RABEP1: variants seen among roughly 807,000 people sequenced by gnomAD.
RABEP1 encodes the protein rab GTPase-binding effector protein 1.
A neutral mutation model predicts 123.4 loss-of-function variants in RABEP1; 51 were observed. That is an observed-to-expected ratio of 0.41 (90% CI 0.33 to 0.52). The LOEUF (loss-of-function observed/expected upper bound fraction) is 0.52, where lower values mean the gene tolerates loss of function less well. Ranked by LOEUF, RABEP1 falls within the 20% of genes least tolerant of loss-of-function variation. RABEP1 has a pLI of 0.16. For missense variants in RABEP1, 888 were observed against 996.3 expected, an observed-to-expected ratio of 0.89 and a Z score of 1.46; for synonymous variants, 347 against 355.2, an observed-to-expected ratio of 0.98 and a Z score of 0.26.
intron 1 of RABEP1, among the ~76,000 whole-genome samples, chr17:5,287,016 C>T (rs896758472): frequency 4.6e-5 from 7 of 152,086 alleles, no homozygotes; most frequent in Non-Finnish European, 8.8e-5. Flanking sequence ...TTTGCATATG[C>T]CTTGAGGGCG....
intron 8 of RABEP1, among the ~76,000 whole-genome samples, chr17:5,356,166 TA>T (rs1427110234): frequency 6.6e-6 from 1 of 152,170 alleles, no homozygotes; most frequent in Non-Finnish European, 1.5e-5. Flanking sequence ...GAAGCCTAGC[TA>T]ACATGGTGTG....
rs1441402367 is a variant in RABEP1, at chr17:5,332,073, G to A, written c.288G>A (p.Glu96=). 1.5e-5 allele frequency: 25 copies of A among 1,614,092 alleles called. 1 individual carries two copies. The highest frequency in any genetic ancestry group is 2.1e-5 in the Non-Finnish European group (25 of 1,179,998). ...TTAAGGCGATTGCCACAGTCTCTGA[G>A]AACACCAAGCAAGAAGCTATAGATG... The part of the protein sequence containing the change: ...ENIKAIATVS[E]NTKQEAIDEV... The change falls in exon 3 of 18, where the codon GAG becomes GAA. Residue 96 remains glutamate (E), a synonymous_variant. Coordinates refer to ENST00000537505, the MANE Select transcript of RABEP1 (RefSeq NM_004703.6).
chr17:5,372,540 A>G (rs1037262996), intron 12 of RABEP1, among the ~76,000 whole-genome samples: 1 of 152,220 alleles, frequency 6.6e-6, no homozygotes, highest in Non-Finnish European at 1.5e-5. Flanking sequence ...CTGCTGGGCC[A>G]TTCACAGTGA....
intron 5 of RABEP1, among the ~76,000 whole-genome samples, chr17:5,344,600 G>A (rs1907904929): frequency 6.6e-6 from 1 of 151,066 alleles, no homozygotes; most frequent in African/African-American, 2.4e-5. Flanking sequence ...GTGAAACCCG[G>A]TCTCTACTAA....
chr17:5,344,544 G>A (rs1210401562), intron 5 of RABEP1, among the ~76,000 whole-genome samples: 6 of 151,794 alleles, frequency 4.0e-5, no homozygotes, highest in South Asian at 2.1e-4. Flanking sequence ...AGGCCGAGGC[G>A]GGCGGATCAC....
Position 5,367,891 on chromosome 17 carries a change from A to G in RABEP1, c.1786-479A>G, listed in dbSNP as rs1463591590. On this transcript the variant is annotated intron_variant, in intron 11 of 17. Transcript: ENST00000537505. ...CTGCCTCAGCCTCCCGAGTAGCTGG[A>G]ATACAGGTGCCCGCCACCACACCCA... 1.1e-4 allele frequency among the ~76,000 whole-genome samples: 17 copies of G among 150,552 alleles called. No homozygotes were observed. In the East Asian group the frequency reaches 2.4e-3, roughly 22 times the overall value.
At chr17:5,333,440 G>A (rs928985992) in intron 3 of RABEP1, among the ~76,000 whole-genome samples, 2 of 152,192 alleles carry the variant, frequency 1.3e-5, no homozygotes, top group Non-Finnish European at 2.9e-5. Flanking sequence ...GGGATTACAG[G>A]TGTGAGCCAC....
intron 7 of RABEP1, among the ~76,000 whole-genome samples, chr17:5,351,498 A>G (rs1021690510): frequency 6.6e-6 from 1 of 152,122 alleles, no homozygotes; most frequent in African/African-American, 2.4e-5. Context: ...TAGTTATACT[A>G]TAAGTATGTA....
At chr17:5,299,714 CTTTTCT>C (rs1175830227) in intron 1 of RABEP1, among the ~76,000 whole-genome samples, 31 of 103,218 alleles carry the variant, frequency 3.0e-4, no homozygotes, top group East Asian at 4.9e-4. Context: ...TTCTTTTTTT[CTTTTCT>C]TTTTCTTTTT....
chr17:5,363,783 GT>G (rs1465119977), intron 10 of RABEP1, among the ~76,000 whole-genome samples: 1 of 152,108 alleles, frequency 6.6e-6, no homozygotes, highest in Non-Finnish European at 1.5e-5. Context: ...TTGAATTAAG[GT>G]TAATAAGTTC....
At chr17:5,322,643 A>G (rs982902779) in intron 2 of RABEP1, among the ~76,000 whole-genome samples, 1 of 152,234 alleles carries the variant, frequency 6.6e-6, no homozygotes, top group Non-Finnish European at 1.5e-5. Flanking sequence ...TGAAAAAAAT[A>G]CTAGCAAGCT....
intron 1 of RABEP1, among the ~76,000 whole-genome samples, chr17:5,298,914 C>G (rs1246935646): frequency 6.6e-6 from 1 of 151,962 alleles, no homozygotes; most frequent in African/African-American, 2.4e-5. Flanking sequence ...CTCAGCCTCT[C>G]AAAGTGCTGG....
At chr17:5,332,272 C>G (rs1906620154) in intron 3 of RABEP1, 120 bp downstream of exon 3, 1 of 895,614 alleles carries the variant, frequency 1.1e-6, no homozygotes, top group Non-Finnish European at 1.7e-6. Context: ...TATGTACTGT[C>G]ATCATCAAGA....
chr17:5,383,325 A>G lies in RABEP1; in HGVS notation c.*102A>G, dbSNP rs1911654682. The G allele has an allele frequency of 1.1e-6, 1 of 939,658 alleles. No homozygotes were observed. Among genetic ancestry groups the G allele is most frequent in the Non-Finnish European group, 1.7e-6 (1 of 601,918 alleles). The allele number at this position is 939,658 out of a possible 1,614,324, so 58.2% of individuals were successfully genotyped here. ...TCTTAACTGAAGAAAGAGAAGTCAC[A>G]ACAAAAGGAAGACTGGAGAAATGCT... is the stretch of plus-strand genomic sequence containing the variant. On this transcript the variant is annotated 3_prime_UTR_variant, in exon 18 of 18. Transcript: ENST00000537505.
intron 1 of RABEP1, among the ~76,000 whole-genome samples, chr17:5,295,701 T>G (rs1324437079): frequency 2.6e-5 from 4 of 152,192 alleles, no homozygotes; most frequent in African/African-American, 9.7e-5. Context: ...CAACCCCTAG[T>G]AGCTTCAAAA....
chr17:5,307,187 A>G (rs2075187026), intron 1 of RABEP1, among the ~76,000 whole-genome samples: 1 of 152,272 alleles, frequency 6.6e-6, no homozygotes, highest in Admixed American at 6.5e-5. Flanking sequence ...GCGTGGTGGC[A>G]CATGCCTGTA....
intron 2 of RABEP1, among the ~76,000 whole-genome samples, chr17:5,312,759 T>G (rs943033434): frequency 2.6e-5 from 4 of 152,202 alleles, no homozygotes; most frequent in African/African-American, 7.2e-5. Flanking sequence ...CTGTGGTAGA[T>G]AATACATTTT....
At chr17:5,357,092 G>A (rs917341202) in intron 8 of RABEP1, among the ~76,000 whole-genome samples, 1 of 152,008 alleles carries the variant, frequency 6.6e-6, no homozygotes, top group Non-Finnish European at 1.5e-5. Flanking sequence ...TGGCCAGGCT[G>A]GTCTTGAACT....
chr17:5,310,191 A>T (rs937311509), intron 2 of RABEP1, among the ~76,000 whole-genome samples: 1 of 152,142 alleles, frequency 6.6e-6, no homozygotes, highest in African/African-American at 2.4e-5. Context: ...ATATACTTAC[A>T]TACAACCTTC....
Sources: gnomAD v4.1 joint callset for allele counts (sites outside exome capture counted in the v4.1 genomes callset) on GRCh38, gnomAD v4.1.1 for gene constraint, MANE v1.5 for transcripts, NCBI Gene and HGNC (gene_info 2026-07-23, HGNC 2026-07-21) for gene names.